Variants in CSMD3 observed in about 807,000 individuals in gnomAD.
CSMD3 encodes the protein CUB and Sushi multiple domains 3.
In CSMD3, 177 loss-of-function variants were observed where a neutral mutation model predicts 435.2. That is an observed-to-expected ratio of 0.41 (90% CI 0.36 to 0.46). The LOEUF (loss-of-function observed/expected upper bound fraction) is 0.46. Ranked by LOEUF, CSMD3 falls within the 20% of genes least tolerant of loss-of-function variation. The pLI is 0.34. For missense variants in CSMD3, 4,265 were observed against 4,504.6 expected (o/e 0.95, Z 1.52); for synonymous variants, 1,656 against 1,520.5 (o/e 1.09, Z -2.07).
chr8:112,290,908 T>C (rs920374421), intron 56 of CSMD3, among the ~76,000 whole-genome samples: 1 of 152,056 alleles, frequency 6.6e-6, no homozygotes, highest in Non-Finnish European at 1.5e-5. Flanking sequence ...TAAATTATTT[T>C]TCTCACTACG....
At chr8:113,263,093 T>C (rs1181243253) in intron 3 of CSMD3, among the ~76,000 whole-genome samples, 2 of 152,006 alleles carry the variant, frequency 1.3e-5, no homozygotes, top group East Asian at 1.9e-4. Flanking sequence ...GCATAAAGGA[T>C]AGTGAGTGAA....
intron 5 of CSMD3, among the ~76,000 whole-genome samples, chr8:113,034,766 T>A (rs186222845): frequency 1.1e-3 from 174 of 152,094 alleles, no homozygotes; most frequent in Non-Finnish European, 1.3e-3. Context: ...CAAATATTAA[T>A]CAAATCAAAT....
At chr8:112,761,793 T>A (rs1032937333) in intron 13 of CSMD3, among the ~76,000 whole-genome samples, 3 of 152,040 alleles carry the variant, frequency 2.0e-5, no homozygotes, top group South Asian at 2.1e-4. Flanking sequence ...CATATACATA[T>A]GTATCCATGT....
chr8:113,289,416 CT>C (rs75066191), intron 2 of CSMD3, among the ~76,000 whole-genome samples: 15,765 of 151,490 alleles, frequency 0.1, 953 homozygotes, highest in Middle Eastern at 0.17. Context: ...ATTGCTATGA[CT>C]TTTGATCTTT....
intron 12 of CSMD3, among the ~76,000 whole-genome samples, chr8:112,826,162 A>C (rs2079674529): frequency 6.6e-6 from 1 of 152,184 alleles, no homozygotes; most frequent in African/African-American, 2.4e-5. Context: ...ATACCTCTTG[A>C]GACCAAGCCA....
intron 1 of CSMD3, among the ~76,000 whole-genome samples, chr8:113,419,292 A>G (rs544369138): frequency 4.0e-5 from 6 of 151,598 alleles, no homozygotes; most frequent in Non-Finnish European, 8.8e-5. Context: ...TAATTTTTGT[A>G]TTTTTAGTAG....
intron 32 of CSMD3, among the ~76,000 whole-genome samples, chr8:112,431,716 T>G (rs1305012624): frequency 1.3e-5 from 2 of 152,196 alleles, no homozygotes; most frequent in Non-Finnish European, 2.9e-5. Flanking sequence ...TCACCCTGAA[T>G]GTGAAACTTG....
rs758783402 is a variant in CSMD3 at position 112,224,803 on chromosome 8, G to T, written c.11092C>A (p.Pro3698Thr). The T allele has an allele frequency of 1.9e-6, 3 of 1,613,996 alleles. No homozygotes were observed. Among genetic ancestry groups the T allele is most frequent in the Non-Finnish European group, 1.7e-6 (2 of 1,179,898 alleles). Reference protein sequence around the residue: ...SVEGKAVRFDPNLNTVCTMV With the variant: ...SVEGKAVRFDTNLNTVCTMV ...ATTGTGCAAACCGTGTTCAAGTTGG[G>T]ATCAAATCGTACCGCCTTCCCTTCC... is the stretch of plus-strand genomic sequence containing the variant. The change falls in exon 71 of 71, where the codon CCC becomes ACC. Residue 3698 changes from proline (P) to threonine (T), a missense_variant. Pro to Thr is a conservative substitution (Grantham distance 38, BLOSUM62 -1). Transcript: ENST00000297405.
chr8:112,341,420 A>T, intron 42 of CSMD3, 57 bp downstream of exon 42: 2 of 1,140,128 alleles, frequency 1.8e-6, no homozygotes. Context: ...TCAGTTAAAT[A>T]TTTCTAATAG....
At chr8:113,302,237 A>G (rs1424626773) in intron 2 of CSMD3, among the ~76,000 whole-genome samples, 1 of 140,200 alleles carries the variant, frequency 7.1e-6, no homozygotes, top group Non-Finnish European at 1.5e-5. Context: ...AATATAATAT[A>G]TAATATAATA....
At chr8:112,703,128 TA>T (rs928695229) in intron 13 of CSMD3, among the ~76,000 whole-genome samples, 6 of 152,186 alleles carry the variant, frequency 3.9e-5, no homozygotes, top group African/African-American at 1.2e-4. Flanking sequence ...ATTTCTTTAA[TA>T]CATGTTGCCT....
intron 6 of CSMD3, among the ~76,000 whole-genome samples, chr8:113,003,222 G>C (rs1282998802): frequency 6.6e-6 from 1 of 151,906 alleles, no homozygotes; most frequent in Non-Finnish European, 1.5e-5. Context: ...TTCAGCCTGG[G>C]CAACCAGAGC....
intron 1 of CSMD3, among the ~76,000 whole-genome samples, chr8:113,425,293 T>C (rs1449407049): frequency 4.0e-5 from 6 of 151,514 alleles, no homozygotes; most frequent in Non-Finnish European, 1.5e-5. Context: ...AAGAAAATTA[T>C]ATAAAAAATT....
chr8:113,205,873 T>G (rs1167107723), intron 3 of CSMD3, among the ~76,000 whole-genome samples: 1 of 152,194 alleles, frequency 6.6e-6, no homozygotes, highest in Non-Finnish European at 1.5e-5. Flanking sequence ...TACTCTCACT[T>G]GCTTTCATCA....
chr8:112,703,215 T>C (rs2076427777), intron 13 of CSMD3, among the ~76,000 whole-genome samples: 1 of 152,098 alleles, frequency 6.6e-6, no homozygotes. Flanking sequence ...ATCCCCAGGG[T>C]CAGAGGTTAG....
intron 5 of CSMD3, among the ~76,000 whole-genome samples, chr8:113,020,787 C>A (rs2086659177): frequency 6.6e-6 from 1 of 152,098 alleles, no homozygotes. Context: ...ATTCTCTCAC[C>A]TTTTGGCAAT....
At chr8:113,389,091 G>T (rs1187244814) in intron 1 of CSMD3, among the ~76,000 whole-genome samples, 2 of 151,470 alleles carry the variant, frequency 1.3e-5, no homozygotes, top group Non-Finnish European at 3.0e-5. Context: ...AATGTCTACT[G>T]GGATTCATAG....
chr8:112,764,677 A>C (rs2077931012), intron 13 of CSMD3, among the ~76,000 whole-genome samples: 1 of 151,674 alleles, frequency 6.6e-6, no homozygotes, highest in African/African-American at 2.4e-5. Flanking sequence ...ATAACTTACT[A>C]TATACATAGT....
At chr8:112,308,371 T>C (rs1451984292) in intron 50 of CSMD3, among the ~76,000 whole-genome samples, 1 of 152,118 alleles carries the variant, frequency 6.6e-6, no homozygotes, top group Non-Finnish European at 1.5e-5. Context: ...TGTAGTTAAA[T>C]AGTATAGATT....
Sources: gnomAD v4.1 joint callset for allele counts (sites outside exome capture counted in the v4.1 genomes callset) on GRCh38, gnomAD v4.1.1 for gene constraint, MANE v1.5 for transcripts, NCBI Gene and HGNC (gene_info 2026-07-23, HGNC 2026-07-21) for gene names.